Variants in ADAM2 observed in about 807,000 individuals in gnomAD.
ADAM2 encodes ADAM metallopeptidase domain 2.
Under a neutral mutation model 99.3 loss-of-function variants are expected in ADAM2, and 101 were observed. The ratio of observed to expected loss-of-function variants is 1.02; its 90% CI spans 0.87 to 1.20. The LOEUF (loss-of-function observed/expected upper bound fraction) is 1.20, where lower values mean the gene tolerates loss of function less well. ADAM2 is among the 50% of genes most tolerant of loss of function. The pLI is 0.00. For synonymous variants in ADAM2, 323 were observed against 287.6 expected (o/e 1.12, Z -1.25); for missense variants, 948 against 878.7 (o/e 1.08, Z -1.00).
intron 15 of ADAM2, among the ~76,000 whole-genome samples, chr8:39,759,357 T>G (rs1388787566): frequency 4.0e-5 from 6 of 151,864 alleles, no homozygotes; most frequent in African/African-American, 1.2e-4. Context: ...TAAAAAAAAC[T>G]AATAAAAAGA....
intron 7 of ADAM2, among the ~76,000 whole-genome samples, chr8:39,791,429 A>C (rs1803708054): frequency 6.6e-6 from 1 of 151,984 alleles, no homozygotes; most frequent in Admixed American, 6.6e-5. Context: ...AATCAGTTAG[A>C]TCTTTGAAAC....
At chr8:39,799,252 G>A (rs962447765) in intron 7 of ADAM2, among the ~76,000 whole-genome samples, 5 of 152,086 alleles carry the variant, frequency 3.3e-5, no homozygotes, top group African/African-American at 1.2e-4. Context: ...TGTTCTTACT[G>A]GTTTCCAAGA....
At chr8:39,773,974 T>C (rs1191333009) in intron 11 of ADAM2, among the ~76,000 whole-genome samples, 2 of 151,954 alleles carry the variant, frequency 1.3e-5, no homozygotes, top group Non-Finnish European at 2.9e-5. Context: ...AAAGGATTAA[T>C]ACATTAAAAG....
chr8:39,795,376 A>T (rs1396741619), intron 7 of ADAM2, among the ~76,000 whole-genome samples: 3 of 152,122 alleles, frequency 2.0e-5, no homozygotes, highest in Non-Finnish European at 4.4e-5. Context: ...CACAGACCTT[A>T]AGTCTGATAA....
intron 18 of ADAM2, 80 bp from the exon 19 acceptor site, chr8:39,746,711 C>A: frequency 1.0e-5 from 11 of 1,094,392 alleles, no homozygotes; most frequent in East Asian, 5.3e-5. Context: ...ACTACGTCTA[C>A]CAAAATAAAA....
chr8:39,765,006 G>A (rs1185218168), intron 14 of ADAM2, among the ~76,000 whole-genome samples: 1 of 151,160 alleles, frequency 6.6e-6, no homozygotes, highest in East Asian at 1.9e-4. Flanking sequence ...CTGAGCGACA[G>A]AGCAAGACTC....
chr8:39,765,986 T>C (rs746263670), intron 14 of ADAM2, among the ~76,000 whole-genome samples: 10 of 152,228 alleles, frequency 6.6e-5, no homozygotes, highest in Non-Finnish European at 1.2e-4. Flanking sequence ...ATTGTTGCTG[T>C]TTCCATATTA....
At chr8:39,764,753 C>A (rs916547551) in intron 14 of ADAM2, among the ~76,000 whole-genome samples, 2 of 152,086 alleles carry the variant, frequency 1.3e-5, no homozygotes, top group Admixed American at 6.6e-5. Context: ...GTGGCTCAAG[C>A]GAGTAATCCC....
intron 7 of ADAM2, among the ~76,000 whole-genome samples, chr8:39,791,633 G>A (rs1328425201): frequency 1.3e-5 from 2 of 152,014 alleles, no homozygotes; most frequent in Non-Finnish European, 2.9e-5. Flanking sequence ...TCTTCGTTGA[G>A]CTCTCTGATA....
At chr8:39,748,116 G>A (rs1823549744) in intron 18 of ADAM2, among the ~76,000 whole-genome samples, 1 of 152,144 alleles carries the variant, frequency 6.6e-6, no homozygotes, top group South Asian at 2.1e-4. Flanking sequence ...TTGTTTCTGA[G>A]TGCAATCAAA....
rs756774809 is a variant in ADAM2 at position 39,824,924 on chromosome 8, A to T, written c.189-27T>A. ...TGTAACATAAAGATAAAATGGAAAAATTTGATTCTTAACCTTTTGTTTTGA... is the reference window on the plus strand; with the variant it reads ...TGTAACATAAAGATAAAATGGAAAATTTTGATTCTTAACCTTTTGTTTTGA... On this transcript the variant is annotated intron_variant, in intron 3 of 20. Coordinates refer to ENST00000265708, the MANE Select transcript of ADAM2 (RefSeq NM_001464.5). 3 of 1,014,656 alleles carry T rather than the reference A, an allele frequency of 3.0e-6. No homozygotes were observed. In the African/African-American group the frequency reaches 4.9e-5, roughly 16 times the overall value. The allele number at this position is 1,014,656 out of a possible 1,614,324, so 62.9% of individuals were successfully genotyped here.
intron 7 of ADAM2, among the ~76,000 whole-genome samples, chr8:39,793,391 G>A (rs887010538): frequency 3.3e-5 from 5 of 152,096 alleles, no homozygotes; most frequent in African/African-American, 1.2e-4. Flanking sequence ...CATTACCAAG[G>A]GATGGATGGA....
intron 16 of ADAM2, among the ~76,000 whole-genome samples, chr8:39,752,895 G>A (rs986191592): frequency 6.6e-5 from 10 of 152,092 alleles, no homozygotes; most frequent in Admixed American, 3.3e-4. Context: ...CCAGCCACGC[G>A]GAACTGTGAG....
intron 12 of ADAM2, among the ~76,000 whole-genome samples, chr8:39,767,974 A>G (rs1332707528): frequency 1.3e-5 from 2 of 152,084 alleles, no homozygotes; most frequent in Non-Finnish European, 2.9e-5. Flanking sequence ...AATTGGAAAA[A>G]GAAATTTGAT....
At chr8:39,816,837 T>C (rs759744043) in intron 6 of ADAM2, among the ~76,000 whole-genome samples, 1 of 152,212 alleles carries the variant, frequency 6.6e-6, no homozygotes, top group Non-Finnish European at 1.5e-5. Context: ...GTCACAACTA[T>C]TCAAGTTTGC....
rs751772458 is a variant in ADAM2, at chr8:39,777,085, T to A, written c.968A>T (p.Tyr323Phe). 61 of 1,601,780 alleles carry A rather than the reference T, an allele frequency of 3.8e-5. No homozygotes were observed. The South Asian group carries it at 6.5e-4, about 17-fold the overall frequency. The change falls in exon 11 of 21, where the codon TAT (tyrosine) becomes TTT (phenylalanine). Residue 323 changes from tyrosine (Y) to phenylalanine (F), a missense_variant. Transcript: ENST00000265708. ...GCACTGGCATTTGTTAATGTCATCA[T>A]AAGTGATCCCCATACTAAGGCTCAA... ...QLLSLSMGIT[Y>F]DDINKCQCSG...
intron 9 of ADAM2, 83 bp downstream of exon 9, chr8:39,788,002 C>T: frequency 4.4e-6 from 4 of 912,324 alleles, no homozygotes; most frequent in Non-Finnish European, 6.0e-6. Context: ...TTTTTTAATA[C>T]ACATTTATCA....
At chr8:39,795,309 G>A (rs1803892049) in intron 7 of ADAM2, among the ~76,000 whole-genome samples, 1 of 152,040 alleles carries the variant, frequency 6.6e-6, no homozygotes, top group African/African-American at 2.4e-5. Context: ...AGAGGGGTGG[G>A]GGTCAGACAT....
chr8:39,782,693 A>G (rs1013407945), intron 10 of ADAM2, among the ~76,000 whole-genome samples: 2 of 152,094 alleles, frequency 1.3e-5, no homozygotes, highest in African/African-American at 2.4e-5. Context: ...TGTAATGTCT[A>G]TATGATCTGT....
Sources: gnomAD v4.1 joint callset for allele counts (sites outside exome capture counted in the v4.1 genomes callset) on GRCh38, gnomAD v4.1.1 for gene constraint, MANE v1.5 for transcripts, NCBI Gene and HGNC (gene_info 2026-07-23, HGNC 2026-07-21) for gene names.